Variants in CCDC150 observed in about 807,000 individuals in gnomAD.
CCDC150 encodes the protein coiled-coil domain containing 150, also known as coiled-coil domain-containing protein 150.
Under a neutral mutation model 156.5 loss-of-function variants are expected in CCDC150, and 151 were observed. The ratio of observed to expected loss-of-function variants is 0.97; its 90% CI spans 0.85 to 1.10. The LOEUF is 1.10. CCDC150 is among the 50% of genes least tolerant of loss of function. The pLI is 0.00. For missense variants in CCDC150, 1,312 were observed against 1,268.1 expected (o/e 1.03, Z -0.53); for synonymous variants, 452 against 429.4 (o/e 1.05, Z -0.65).
intron 2 of CCDC150, among the ~76,000 whole-genome samples, chr2:196,648,354 C>T (rs770636135): frequency 3.3e-5 from 5 of 151,882 alleles, no homozygotes; most frequent in South Asian, 2.1e-4. Context: ...GTTTTCTCAC[C>T]GTGGTTTTAA....
At position 196,646,470 on chromosome 2, in the gene CCDC150, G is replaced by A. The variant is rs1376920137; in HGVS notation, c.142G>A (p.Asp48Asn). 2 of 1,613,802 alleles carry A rather than the reference G, an allele frequency of 1.2e-6. No homozygotes were observed. Among genetic ancestry groups the A allele is most frequent in the Non-Finnish European group, 1.7e-6 (2 of 1,179,738 alleles). ...IVEEQTSSLR[D>N]DLIMLDFGEK... ...TGAGGAACAGACCAGTTCACTGAGG[G>A]ATGACCTAATAATGTTGGATTTTGG... Residue 48 changes from aspartate to asparagine, a missense_variant, in exon 2 of 28, where the codon GAT becomes AAT. Asp to Asn is a conservative substitution (Grantham distance 23). Coordinates refer to ENST00000389175, the MANE Select transcript of CCDC150 (RefSeq NM_001080539.2).
chr2:196,694,071 TTTGAGATGGAGTTTC>T (rs1695656290), intron 13 of CCDC150, among the ~76,000 whole-genome samples: 1 of 150,548 alleles, frequency 6.6e-6, no homozygotes, highest in South Asian at 2.1e-4. Flanking sequence ...TTTTTTTTTT[TTTGAGATGGAGTTTC>T]GCTCTTGTTA....
Position 196,732,132 on chromosome 2 carries a change from G to A in CCDC150, c.3169G>A (p.Glu1057Lys), listed in dbSNP as rs949219749. The change falls in exon 27 of 28, where the codon GAA becomes AAA. Residue 1057 changes from glutamate (E) to lysine (K), a missense_variant. Glu to Lys is a moderately conservative substitution (Grantham distance 56). Transcript: ENST00000389175. ...TKNRLQRPSG[E>K]DRWQEKDQDV... ...AAACCGGTTGCAGAGGCCTTCTGGGGAAGACAGGTGGCAGGAAAAGGTAAG... is the reference window on the plus strand; with the variant it reads ...AAACCGGTTGCAGAGGCCTTCTGGGAAAGACAGGTGGCAGGAAAAGGTAAG... 3.7e-6 allele frequency: 6 copies of A among 1,613,872 alleles called. No homozygotes were observed. Among genetic ancestry groups the A allele is most frequent in the Non-Finnish European group, 5.1e-6 (6 of 1,179,838 alleles).
At chr2:196,657,607 G>A (rs1030965689) in intron 4 of CCDC150, among the ~76,000 whole-genome samples, 10 of 152,194 alleles carry the variant, frequency 6.6e-5, no homozygotes, top group African/African-American at 2.4e-4. Flanking sequence ...TTCAGGGAAG[G>A]GATAGGACCT....
In CCDC150 at chr2:196,676,191, C is replaced by A. The variant is rs528779219; in HGVS notation, c.1186C>A (p.Leu396Met). The A allele has an allele frequency of 1.2e-6, 2 of 1,613,400 alleles. No homozygotes were observed. The highest frequency in any genetic ancestry group is 3.3e-5 in the Admixed American group (2 of 60,000). The change falls in exon 11 of 28, where the codon CTG becomes ATG. Residue 396 changes from leucine (L) to methionine (M), a missense_variant. Transcript: ENST00000389175. ...GACATTTCAAGAACAAAACTTATTG[C>A]TGGATGCAGCCCATGCCAGTATCAC... The part of the protein sequence containing the change: ...TQTFQEQNLL[L>M]DAAHASITNE...
intron 13 of CCDC150, among the ~76,000 whole-genome samples, chr2:196,685,922 G>A (rs1300130228): frequency 1.3e-5 from 2 of 152,002 alleles, no homozygotes; most frequent in African/African-American, 2.4e-5. Flanking sequence ...CCGGTTGAAT[G>A]TTTTTCTTTC....
chr2:196,692,126 T>A lies in CCDC150; in HGVS notation c.1510-2920T>A, dbSNP rs944393767. ...GGTTGTAAACTTGAGATCTAATTTT[T>A]TTTTTTTTTTTTTTTTTTTGAGACG... On this transcript the variant is annotated intron_variant, in intron 13 of 27. Transcript: ENST00000389175. 3.0e-5 allele frequency among the ~76,000 whole-genome samples: 4 copies of A among 133,312 alleles called. No individual in the cohort carries two copies. The East Asian group carries it at 6.7e-4, about 22-fold the overall frequency. 87.5% of individuals were successfully genotyped at this position (133,312 alleles called of 152,430 possible).
In CCDC150 at chr2:196,646,434, A is replaced by G. The variant is rs1002930666; in HGVS notation, c.106A>G (p.Met36Val). The G allele has an allele frequency of 1.2e-6, 2 of 1,613,832 alleles. No homozygotes were observed. Among genetic ancestry groups the G allele is most frequent in the Non-Finnish European group, 1.7e-6 (2 of 1,179,726 alleles). The change falls in exon 2 of 28, where the codon ATG becomes GTG. Residue 36 changes from methionine to valine, a missense_variant. Physicochemically the swap from Met to Val is conservative, Grantham distance 21 (BLOSUM62 1). Transcript: ENST00000389175. ...AACATTCACAGTACTTCAGCAAAGG[A>G]TGAGAATAGTTGAGGAACAGACCAG... is the stretch of plus-strand genomic sequence containing the variant. ...SETFTVLQQR[M>V]RIVEEQTSSL...
chr2:196,701,586 A>G (rs527440692), intron 15 of CCDC150, among the ~76,000 whole-genome samples: 14 of 152,326 alleles, frequency 9.2e-5, no homozygotes, highest in South Asian at 2.1e-4. Context: ...TTTTGTCCCT[A>G]TGGTACCCCA....
chr2:196,666,641 G>C, intron 6 of CCDC150, 78 bp from the exon 7 acceptor site: 1 of 1,213,648 alleles, frequency 8.2e-7, no homozygotes, highest in Non-Finnish European at 1.1e-6. Flanking sequence ...TTGGAATGTT[G>C]CCTTATACAT....
chr2:196,715,545 T>G (rs1697443886), intron 17 of CCDC150, among the ~76,000 whole-genome samples: 1 of 152,182 alleles, frequency 6.6e-6, no homozygotes, highest in Non-Finnish European at 1.5e-5. Flanking sequence ...TTAAAAATAA[T>G]GTGAATGTAC....
intron 8 of CCDC150, among the ~76,000 whole-genome samples, 192 bp from the exon 9 acceptor site, chr2:196,672,153 T>C (rs984034519): frequency 6.6e-6 from 1 of 152,176 alleles, no homozygotes; most frequent in Admixed American, 6.5e-5. Flanking sequence ...ATAAATAGTT[T>C]TGAAATAAAC....
At chr2:196,678,811 C>G (rs1021504494) in intron 13 of CCDC150, among the ~76,000 whole-genome samples, 1 of 152,118 alleles carries the variant, frequency 6.6e-6, no homozygotes, top group Non-Finnish European at 1.5e-5. Context: ...GTGACTGAGG[C>G]ATGAGAATTG....
chr2:196,719,288 A>G (rs1697732681), intron 18 of CCDC150: 4 of 408,244 alleles, frequency 9.8e-6, no homozygotes, highest in African/African-American at 2.1e-5. Context: ...TGCAGAGTTC[A>G]CCAACTTTTC....
chr2:196,721,342 A>T lies in CCDC150; in HGVS notation c.2260-180A>T, dbSNP rs76509264. Reference sequence around the variant, plus strand: ...ATGTCTCTAATGAGTTCTCATTCATATATGTGTGTGCATATATATATATAT... The same window carrying T: ...ATGTCTCTAATGAGTTCTCATTCATTTATGTGTGTGCATATATATATATAT... On this transcript the variant is annotated intron_variant, in intron 20 of 27. Transcript: ENST00000389175. 7.1e-3 allele frequency among the ~76,000 whole-genome samples: 1,009 copies of T among 141,244 alleles called. 30 individuals are homozygous for T. The highest frequency in any genetic ancestry group is 0.024 in the African/African-American group (958 of 39,146). 92.7% of individuals were successfully genotyped at this position (141,244 alleles called of 152,430 possible).
chr2:196,731,927 G>A lies in CCDC150; in HGVS notation c.3070-106G>A. Reference sequence around the variant, plus strand: ...ATAGGTTGTGAAGAACAAGCAGTCAGAATTTGGGTCTTTTAATTTCTAAGT... The same window carrying A: ...ATAGGTTGTGAAGAACAAGCAGTCAAAATTTGGGTCTTTTAATTTCTAAGT... On this transcript the variant is annotated intron_variant, in intron 26 of 27. Coordinates refer to ENST00000389175, the MANE Select transcript of CCDC150 (RefSeq NM_001080539.2). The A allele has an allele frequency of 3.9e-6, 4 of 1,019,170 alleles. 1 individual carries two copies. Among genetic ancestry groups the A allele is most frequent in the Non-Finnish European group, 5.8e-6 (4 of 688,846 alleles). The allele number at this position is 1,019,170 out of a possible 1,614,324, so 63.1% of individuals were successfully genotyped here.
chr2:196,719,091 G>T (rs1697718682), intron 18 of CCDC150, among the ~76,000 whole-genome samples: 1 of 152,174 alleles, frequency 6.6e-6, no homozygotes, highest in African/African-American at 2.4e-5. Context: ...TTCTTCAGCA[G>T]CTTCCACTTT....
At position 196,690,105 on chromosome 2, in the gene CCDC150, C is replaced by G. The variant is rs576767324; in HGVS notation, c.1510-4941C>G. On this transcript the variant is annotated intron_variant, in intron 13 of 27. Transcript: ENST00000389175. Reference sequence around the variant, plus strand: ...ATGGATGAAATTGGAAATCATCATTCTCAGTAAACTATCGCAAGAACAAAA... The same window carrying G: ...ATGGATGAAATTGGAAATCATCATTGTCAGTAAACTATCGCAAGAACAAAA... Among the ~76,000 whole-genome samples the G allele has an allele frequency of 6.2e-3, 937 of 152,036 alleles. 5 individuals carry two copies. Among genetic ancestry groups the G allele is most frequent in the African/African-American group, 0.021 (883 of 41,422 alleles).
At chr2:196,641,017 G>A (rs1692190963) in intron 1 of CCDC150, among the ~76,000 whole-genome samples, 1 of 152,166 alleles carries the variant, frequency 6.6e-6, no homozygotes, top group South Asian at 2.1e-4. Context: ...GCCCAGGCTG[G>A]AGTGCAGCAG....
Sources: allele counts gnomAD v4.1 joint callset (sites outside exome capture counted in the v4.1 genomes callset), GRCh38; gene constraint gnomAD v4.1.1; transcripts MANE v1.5; gene names NCBI Gene and HGNC (gene_info 2026-07-23, HGNC 2026-07-21).